Variants in MAGI2 observed in about 807,000 individuals in gnomAD.
MAGI2 encodes the protein membrane-associated guanylate kinase, WW and PDZ domain-containing protein 2.
A neutral mutation model predicts 133.3 loss-of-function variants in MAGI2; 35 were observed. The observed-to-expected ratio is 0.26, with a 90% CI of 0.20 to 0.35. The LOEUF (loss-of-function observed/expected upper bound fraction) is 0.35, where lower values mean the gene tolerates loss of function less well. Among genes scored for constraint, MAGI2 ranks in the 10% least tolerant of loss-of-function variants. MAGI2 has a pLI of 1.00. For missense variants in MAGI2, 1,636 were observed against 1,863.4 expected (o/e 0.88, Z 2.25); for synonymous variants, 729 against 710.6 (o/e 1.03, Z -0.41).
In MAGI2 at chr7:78,291,886, T is replaced by C. The variant is rs140146805; in HGVS notation, c.1409-35305A>G. 5.0e-3 allele frequency among the ~76,000 whole-genome samples: 757 copies of C among 152,216 alleles called. 4 individuals carry two copies. The highest frequency in any genetic ancestry group is 8.6e-3 in the Non-Finnish European group (584 of 68,018). ...GGCCTTCAACAAAATTCAACAGCTG[T>C]TCATGCTAAAAACTCTCAATAAACT... On this transcript the variant is annotated intron_variant, in intron 9 of 21. Coordinates refer to ENST00000354212, the MANE Select transcript of MAGI2 (RefSeq NM_012301.4).
At position 78,850,778 on chromosome 7, in the gene MAGI2, T is replaced by G. The variant is rs185459539; in HGVS notation, c.418+156312A>C. On this transcript the variant is annotated intron_variant, in intron 2 of 21. Transcript: ENST00000354212. ...TACAAAGTCTTGCTATGCCCCCAAA[T>G]TATCAGCCAAAGCACTGACTGGATT... Among the ~76,000 whole-genome samples, 509 of 152,208 alleles carry G rather than the reference T, an allele frequency of 3.3e-3. 4 individuals are homozygous for G. The highest frequency in any genetic ancestry group is 0.012 in the African/African-American group (482 of 41,548).
At chr7:78,104,473 C>G (rs1288626057) in intron 20 of MAGI2, among the ~76,000 whole-genome samples, 1 of 151,810 alleles carries the variant, frequency 6.6e-6, no homozygotes, top group Non-Finnish European at 1.5e-5. Context: ...CCGCCCGCCT[C>G]GGCCTCCCAA....
At chr7:79,002,910 G>GT (rs772869062) in intron 2 of MAGI2, among the ~76,000 whole-genome samples, 4,162 of 129,252 alleles carry the variant, frequency 0.032, 98 homozygotes, top group African/African-American at 0.044. Context: ...TTGTTTGCTT[G>GT]TTTTTTTTTT....
intron 1 of MAGI2, among the ~76,000 whole-genome samples, chr7:79,204,953 G>A (rs183649813): frequency 2.7e-4 from 41 of 151,656 alleles, no homozygotes; most frequent in African/African-American, 8.5e-4. Flanking sequence ...CAATGTAAAG[G>A]AATGAAAAAA....
chr7:78,499,568 C>T (rs1334698243), intron 5 of MAGI2, among the ~76,000 whole-genome samples: 2 of 152,164 alleles, frequency 1.3e-5, no homozygotes, highest in Non-Finnish European at 2.9e-5. Context: ...AACATAAGTT[C>T]TGTCTTTTGA....
intron 1 of MAGI2, among the ~76,000 whole-genome samples, chr7:79,011,927 T>TCC (rs71095373): frequency 2.5e-3 from 223 of 87,528 alleles, no homozygotes; most frequent in South Asian, 3.8e-3. Flanking sequence ...CTTCCTTCCT[T>TCC]TCTTTCTTTC....
At chr7:78,781,503 T>C (rs1490466701) in intron 2 of MAGI2, among the ~76,000 whole-genome samples, 1 of 151,868 alleles carries the variant, frequency 6.6e-6, no homozygotes, top group African/African-American at 2.4e-5. Flanking sequence ...TCTCCCCATC[T>C]ACTAAATAAA....
chr7:79,123,641 C>G (rs1820109239), intron 1 of MAGI2, among the ~76,000 whole-genome samples: 1 of 151,840 alleles, frequency 6.6e-6, no homozygotes, highest in Non-Finnish European at 1.5e-5. Context: ...CAAAAATTAG[C>G]CAGGCGTGGT....
chr7:79,073,070 A>C (rs908454440), intron 1 of MAGI2, among the ~76,000 whole-genome samples: 4 of 152,204 alleles, frequency 2.6e-5, no homozygotes, highest in Non-Finnish European at 1.5e-5. Context: ...ACAAAGGCTA[A>C]GAGAGATGCT....
intron 2 of MAGI2, among the ~76,000 whole-genome samples, chr7:78,724,270 T>C (rs1820547229): frequency 6.6e-6 from 1 of 152,054 alleles, no homozygotes; most frequent in African/African-American, 2.4e-5. Context: ...CTAGCATAGG[T>C]TCAAAACAGA....
chr7:78,493,378 A>G (rs1479002644), intron 5 of MAGI2, among the ~76,000 whole-genome samples: 1 of 152,186 alleles, frequency 6.6e-6, no homozygotes, highest in Non-Finnish European at 1.5e-5. Flanking sequence ...ACCATTGCAG[A>G]GTTATTCTCA....
intron 1 of MAGI2, among the ~76,000 whole-genome samples, chr7:79,399,079 C>CT (rs1197197628): frequency 3.7e-4 from 42 of 114,636 alleles, no homozygotes; most frequent in Admixed American, 1.2e-3. Flanking sequence ...AGTATTATTT[C>CT]TTTTTTTTTT....
intron 7 of MAGI2, among the ~76,000 whole-genome samples, chr7:78,351,312 G>C (rs900163870): frequency 6.6e-6 from 1 of 152,048 alleles, no homozygotes; most frequent in African/African-American, 2.4e-5. Context: ...TTTGAGACTA[G>C]CCTGGGCAAC....
chr7:79,339,750 C>T (rs907959570), intron 1 of MAGI2, among the ~76,000 whole-genome samples: 7 of 152,236 alleles, frequency 4.6e-5, no homozygotes, highest in African/African-American at 1.7e-4. Flanking sequence ...TGGCTTTATA[C>T]TTAATGAATA....
intron 10 of MAGI2, among the ~76,000 whole-genome samples, chr7:78,240,689 A>G (rs1168023826): frequency 6.6e-6 from 1 of 152,126 alleles, no homozygotes. Context: ...TAAAACCATC[A>G]CAGGAAGAAT....
At chr7:78,368,234 C>T (rs1436804461) in intron 7 of MAGI2, among the ~76,000 whole-genome samples, 1 of 152,208 alleles carries the variant, frequency 6.6e-6, no homozygotes, top group South Asian at 2.1e-4. Context: ...AGCTCAGTAA[C>T]CGTTTTTGAA....
intron 2 of MAGI2, among the ~76,000 whole-genome samples, chr7:78,704,070 A>G (rs1818354511): frequency 6.6e-6 from 1 of 152,148 alleles, no homozygotes; most frequent in South Asian, 2.1e-4. Flanking sequence ...AAAATTGACA[A>G]ATAGGACCTA....
intron 7 of MAGI2, among the ~76,000 whole-genome samples, chr7:78,352,275 G>T (rs547325802): frequency 1.1e-4 from 16 of 152,218 alleles, no homozygotes; most frequent in African/African-American, 3.9e-4. Flanking sequence ...GCAAAACAAG[G>T]TTACATAATG....
intron 6 of MAGI2, among the ~76,000 whole-genome samples, chr7:78,461,316 G>A (rs1258863825): frequency 6.6e-6 from 1 of 151,710 alleles, no homozygotes; most frequent in Non-Finnish European, 1.5e-5. Context: ...TTACATTTTG[G>A]TGAGTAATTT....
Sources: allele counts gnomAD v4.1 joint callset (sites outside exome capture counted in the v4.1 genomes callset), GRCh38; gene constraint gnomAD v4.1.1; transcripts MANE v1.5; gene names NCBI Gene and HGNC (gene_info 2026-07-23, HGNC 2026-07-21).